Variants in DAB1 observed in about 807,000 individuals in gnomAD.
DAB1 encodes the protein DAB adaptor protein 1.
DAB1 carries 15 observed loss-of-function variants against 64.6 expected under a neutral mutation model. That is an observed-to-expected ratio of 0.23 (90% CI 0.16 to 0.36). The LOEUF (loss-of-function observed/expected upper bound fraction) is 0.36, where lower values mean the gene tolerates loss of function less well. Among genes scored for constraint, DAB1 ranks in the 10% least tolerant of loss-of-function variants. The pLI is 1.00. For missense variants in DAB1, 596 were observed against 706.7 expected (o/e 0.84, Z 1.78); for synonymous variants, 235 against 251.9 (o/e 0.93, Z 0.64).
At chr1:57,294,938 T>G (rs1051642319) in intron 1 of DAB1, among the ~76,000 whole-genome samples, 3 of 152,200 alleles carry the variant, frequency 2.0e-5, no homozygotes, top group Non-Finnish European at 4.4e-5. Context: ...GCAACGTGGA[T>G]GAACCCTGAA....
intron 4 of DAB1, among the ~76,000 whole-genome samples, chr1:57,124,722 T>A (rs934453453): frequency 2.6e-5 from 4 of 152,128 alleles, no homozygotes; most frequent in Admixed American, 2.6e-4. Flanking sequence ...CTGAACTATA[T>A]GAATGAGGCT....
Position 58,530,644 on chromosome 1 carries a change from C to G in DAB1, n.33-3309G>C, listed in dbSNP as rs1041935909. The G allele has an allele frequency of 6.9e-6, 6 of 872,678 alleles. No homozygotes were observed. The African/African-American group carries it at 8.2e-5, about 12-fold the overall frequency. 54.1% of individuals were successfully genotyped at this position (872,678 alleles called of 1,614,324 possible). Reference sequence around the variant, plus strand: ...TATCCACTGGCACAAAAGTGCCAAGCTATCTCGAGGACAAATGGCCCAAAT... The same window carrying G: ...TATCCACTGGCACAAAAGTGCCAAGGTATCTCGAGGACAAATGGCCCAAAT... On this transcript the variant is annotated intron_variant and non_coding_transcript_variant, in intron 1 of 20. Coordinates refer to the DAB1 transcript ENST00000485760.
intron 6 of DAB1, among the ~76,000 whole-genome samples, chr1:57,703,885 A>C (rs1338620714): frequency 1.3e-5 from 2 of 152,306 alleles, no homozygotes; most frequent in East Asian, 3.9e-4. Context: ...TGTCCTTTGC[A>C]GGGAGACGGA....
chr1:57,875,974 G>A (rs1644038794), intron 1 of DAB1, among the ~76,000 whole-genome samples: 1 of 152,182 alleles, frequency 6.6e-6, no homozygotes, highest in African/African-American at 2.4e-5. Flanking sequence ...TCACTGCTAA[G>A]TCCAGCTCTC....
At chr1:58,492,572 G>T (rs1645716866) in intron 3 of DAB1, among the ~76,000 whole-genome samples, 1 of 152,082 alleles carries the variant, frequency 6.6e-6, no homozygotes, top group Non-Finnish European at 1.5e-5. Context: ...AATAAAAAAT[G>T]ATAAAGGGGA....
At chr1:57,589,805 T>G (rs1033589564) in intron 7 of DAB1, among the ~76,000 whole-genome samples, 1 of 152,058 alleles carries the variant, frequency 6.6e-6, no homozygotes, top group African/African-American at 2.4e-5. Context: ...AAGTAGCCAA[T>G]GCAACTATGA....
chr1:57,945,726 A>G (rs529988960), intron 5 of DAB1, among the ~76,000 whole-genome samples: 1 of 152,346 alleles, frequency 6.6e-6, no homozygotes, highest in South Asian at 2.1e-4. Context: ...ACATACCTGC[A>G]TATATACAAA....
At chr1:57,564,978 C>A (rs924193056) in intron 7 of DAB1, among the ~76,000 whole-genome samples, 2 of 152,012 alleles carry the variant, frequency 1.3e-5, no homozygotes, top group African/African-American at 4.8e-5. Context: ...ATTGTCAGTT[C>A]ACCAAAGTTG....
In DAB1 at chr1:57,896,369, G is replaced by A. The variant is rs185849329; in HGVS notation, n.388-12207C>T. ...ACTGCTACTATTACTATTATTATAT[G>A]CTTGTCAACTTGACAATGAACATTG... is the stretch of plus-strand genomic sequence containing the variant. On this transcript the variant is annotated intron_variant and non_coding_transcript_variant, in intron 5 of 20. Transcript: ENST00000485760. Among the ~76,000 whole-genome samples, 3 of 151,030 alleles carry A rather than the reference G, an allele frequency of 2.0e-5. No individual in the cohort carries two copies. In the East Asian group the frequency reaches 5.8e-4, roughly 29 times the overall value.
chr1:58,276,543 T>A lies in DAB1; in HGVS notation n.309+66809A>T, dbSNP rs61781861. ...GTGTGTAAAGCATATGGGGGAGTAG[T>A]ACACACCTAAGGACCTGGAAGAAAA... is the stretch of plus-strand genomic sequence containing the variant. On this transcript the variant is annotated intron_variant and non_coding_transcript_variant, in intron 4 of 20. Transcript: ENST00000485760. 3.6e-3 allele frequency among the ~76,000 whole-genome samples: 548 copies of A among 152,246 alleles called. 2 individuals carry two copies. The highest frequency in any genetic ancestry group is 6.6e-3 in the Non-Finnish European group (451 of 67,996).
chr1:57,185,372 T>C (rs546322764), intron 2 of DAB1, among the ~76,000 whole-genome samples: 13 of 152,258 alleles, frequency 8.5e-5, no homozygotes, highest in African/African-American at 2.9e-4. Context: ...GAGGACAGAA[T>C]TTGCAGATTG....
intron 7 of DAB1, among the ~76,000 whole-genome samples, chr1:57,617,228 G>A (rs1010366010): frequency 2.6e-5 from 4 of 152,036 alleles, no homozygotes; most frequent in African/African-American, 9.7e-5. Flanking sequence ...GAGCCACCAG[G>A]CTGGGGGTAT....
intron 4 of DAB1, among the ~76,000 whole-genome samples, chr1:58,240,223 C>A (rs1660229743): frequency 6.6e-6 from 1 of 152,190 alleles, no homozygotes; most frequent in Admixed American, 6.5e-5. Context: ...CCTTAGTCTC[C>A]CTTCTGTTAG....
At chr1:58,161,791 C>G (rs1375278061) in intron 4 of DAB1, among the ~76,000 whole-genome samples, 1 of 152,026 alleles carries the variant, frequency 6.6e-6, no homozygotes, top group Non-Finnish European at 1.5e-5. Context: ...AGAATTCATT[C>G]CTTAACTACT....
chr1:57,724,044 G>GT (rs1350838958), intron 6 of DAB1, among the ~76,000 whole-genome samples: 1 of 152,144 alleles, frequency 6.6e-6, no homozygotes, highest in Non-Finnish European at 1.5e-5. Flanking sequence ...AACGCAGAAC[G>GT]TTTATAGCTA....
chr1:57,490,916 C>G (rs115795523), intron 7 of DAB1, among the ~76,000 whole-genome samples: 2,114 of 152,186 alleles, frequency 0.014, 57 homozygotes, highest in African/African-American at 0.048. Context: ...GTATAACATA[C>G]AGGTAGAATT....
intron 1 of DAB1, among the ~76,000 whole-genome samples, chr1:57,837,330 T>C (rs929194664): frequency 2.6e-5 from 4 of 152,176 alleles, no homozygotes; most frequent in Non-Finnish European, 5.9e-5. Context: ...CTCTAACACA[T>C]TCATGTTTCC....
At chr1:58,419,033 C>G (rs1264299190) in intron 3 of DAB1, among the ~76,000 whole-genome samples, 1 of 152,170 alleles carries the variant, frequency 6.6e-6, no homozygotes, top group East Asian at 1.9e-4. Context: ...CCTCCAGCAC[C>G]CTCCTGGCCC....
chr1:58,241,277 A>G (rs1028289805), intron 4 of DAB1, among the ~76,000 whole-genome samples: 2 of 152,148 alleles, frequency 1.3e-5, no homozygotes, highest in Non-Finnish European at 2.9e-5. Flanking sequence ...GTGATGCCAT[A>G]TACACAAATT....
Sources: gnomAD v4.1 joint callset for allele counts (sites outside exome capture counted in the v4.1 genomes callset) on GRCh38, gnomAD v4.1.1 for gene constraint, MANE v1.5 for transcripts, NCBI Gene and HGNC (gene_info 2026-07-23, HGNC 2026-07-21) for gene names.